Variants in ATP8A2 observed in about 807,000 individuals in gnomAD.
ATP8A2 encodes the protein phospholipid-transporting ATPase IB.
A neutral mutation model predicts 165.6 loss-of-function variants in ATP8A2; 100 were observed. The observed-to-expected ratio is 0.60, with a 90% CI of 0.51 to 0.71. The LOEUF (loss-of-function observed/expected upper bound fraction) is 0.71, where lower values mean the gene tolerates loss of function less well. Ranked by LOEUF, ATP8A2 falls within the 30% of genes least tolerant of loss-of-function variation. The pLI is 0.00. For missense variants in ATP8A2, 1,227 were observed against 1,479.5 expected, an observed-to-expected ratio of 0.83 and a Z score of 2.80; for synonymous variants, 543 against 548.8, an observed-to-expected ratio of 0.99 and a Z score of 0.15.
intron 2 of ATP8A2, among the ~76,000 whole-genome samples, chr13:25,488,085 T>TGGCCG (rs780665321): frequency 1.3e-5 from 2 of 152,234 alleles, no homozygotes; most frequent in Non-Finnish European, 2.9e-5. Context: ...CACAGTACAG[T>TGGCCG]GGCCGTGGAT....
Position 25,755,258 on chromosome 13 carries a change from C to A in ATP8A2, c.2385-13788C>A, listed in dbSNP as rs145521608. Among the ~76,000 whole-genome samples the A allele has an allele frequency of 3.3e-3, 510 of 152,282 alleles. 2 individuals carry two copies. The highest frequency in any genetic ancestry group is 0.012 in the African/African-American group (489 of 41,552). ...ACAATTCCATCTCCAGAGGCAGGCCCTCTCCACTGTAGCTCCCAGCTTCAC... is the reference window on the plus strand; with the variant it reads ...ACAATTCCATCTCCAGAGGCAGGCCATCTCCACTGTAGCTCCCAGCTTCAC... On this transcript the variant is annotated intron_variant, in intron 25 of 36. Coordinates refer to ENST00000381655, the MANE Select transcript of ATP8A2 (RefSeq NM_016529.6).
chr13:25,855,857 G>C (rs1414175776), intron 30 of ATP8A2, among the ~76,000 whole-genome samples: 1 of 152,080 alleles, frequency 6.6e-6, no homozygotes, highest in Non-Finnish European at 1.5e-5. Context: ...GGTGTTAAGT[G>C]GTATCTCATT....
At chr13:25,581,327 A>G (rs1393714589) in intron 22 of ATP8A2, among the ~76,000 whole-genome samples, 1 of 152,216 alleles carries the variant, frequency 6.6e-6, no homozygotes, top group African/African-American at 2.4e-5. Context: ...CAAAAGGGGC[A>G]ACATTTTATA....
At chr13:25,956,296 AG>A (rs1238347641) in intron 33 of ATP8A2, among the ~76,000 whole-genome samples, 4 of 152,232 alleles carry the variant, frequency 2.6e-5, no homozygotes, top group African/African-American at 9.6e-5. Flanking sequence ...AAAGAAATAA[AG>A]GGTATTCAAA....
At chr13:25,490,355 C>CGGA (rs1436740337) in intron 2 of ATP8A2, among the ~76,000 whole-genome samples, 1 of 152,224 alleles carries the variant, frequency 6.6e-6, no homozygotes, top group Non-Finnish European at 1.5e-5. Context: ...GCTCTCCTCG[C>CGGA]GGAGCACAGC....
intron 1 of ATP8A2, among the ~76,000 whole-genome samples, chr13:25,451,249 C>T (rs1362549369): frequency 6.6e-6 from 1 of 150,842 alleles, no homozygotes; most frequent in Non-Finnish European, 1.5e-5. Context: ...GTGTCGTTTT[C>T]ATTTCAGGTG....
At chr13:25,579,563 A>T (rs928574658) in intron 21 of ATP8A2, among the ~76,000 whole-genome samples, 1 of 152,164 alleles carries the variant, frequency 6.6e-6, no homozygotes, top group Non-Finnish European at 1.5e-5. Context: ...CCTCTCTGCC[A>T]TGGAGAATTC....
chr13:25,399,028 A>G (rs1451799748), intron 1 of ATP8A2, among the ~76,000 whole-genome samples: 1 of 152,198 alleles, frequency 6.6e-6, no homozygotes, highest in Non-Finnish European at 1.5e-5. Flanking sequence ...GCAGTTTACA[A>G]CAGTGATCAC....
intron 24 of ATP8A2, among the ~76,000 whole-genome samples, chr13:25,691,652 T>C (rs2042728038): frequency 6.6e-6 from 1 of 152,200 alleles, no homozygotes; most frequent in Non-Finnish European, 1.5e-5. Context: ...CTGTCTTCCT[T>C]TGAATTATTA....
chr13:25,889,245 C>CATACATATATATATATAT (rs1555285524), intron 33 of ATP8A2, among the ~76,000 whole-genome samples: 5 of 109,972 alleles, frequency 4.5e-5, no homozygotes, highest in African/African-American at 2.1e-4. Flanking sequence ...CATCCTTTGT[C>CATACATATATATATATAT]ATATATATAT....
At chr13:25,797,049 C>T (rs529964155) in intron 27 of ATP8A2, among the ~76,000 whole-genome samples, 57 of 152,228 alleles carry the variant, frequency 3.7e-4, no homozygotes, top group African/African-American at 1.3e-3. Flanking sequence ...GGGCAGATCA[C>T]CTGAGGTCAG....
At chr13:25,587,011 T>C (rs1040375622) in intron 23 of ATP8A2, among the ~76,000 whole-genome samples, 2 of 152,216 alleles carry the variant, frequency 1.3e-5, no homozygotes, top group African/African-American at 2.4e-5. Flanking sequence ...ATTTCAACTA[T>C]AGTAAAAAAT....
intron 33 of ATP8A2, among the ~76,000 whole-genome samples, chr13:25,900,779 C>G (rs1953717069): frequency 6.6e-6 from 1 of 152,102 alleles, no homozygotes; most frequent in Non-Finnish European, 1.5e-5. Flanking sequence ...AAGGCACCTG[C>G]TAGAGTTTTA....
At chr13:25,552,876 C>T (rs932329725) in intron 11 of ATP8A2, among the ~76,000 whole-genome samples, 2 of 152,008 alleles carry the variant, frequency 1.3e-5, no homozygotes, top group Admixed American at 6.6e-5. Flanking sequence ...CCTTGTCTTT[C>T]CATCACAGCC....
intron 2 of ATP8A2, among the ~76,000 whole-genome samples, chr13:25,521,277 A>C (rs1203213937): frequency 6.6e-6 from 1 of 152,076 alleles, no homozygotes; most frequent in Non-Finnish European, 1.5e-5. Context: ...TATTCTCCTT[A>C]CATATCCCTT....
chr13:25,537,960 C>T (rs764942081), intron 6 of ATP8A2, 28 bp from the exon 7 acceptor site: 5 of 1,517,094 alleles, frequency 3.3e-6, no homozygotes, highest in Admixed American at 1.8e-5. Context: ...TCTTTCGTGC[C>T]CCTCTGTCCT....
At chr13:26,002,461 T>A (rs1423588508) in intron 35 of ATP8A2, among the ~76,000 whole-genome samples, 1 of 151,400 alleles carries the variant, frequency 6.6e-6, no homozygotes. Flanking sequence ...AAATACCTAA[T>A]GTAAATGACA....
chr13:25,897,214 T>C (rs1480303773), intron 33 of ATP8A2, among the ~76,000 whole-genome samples: 1 of 152,230 alleles, frequency 6.6e-6, no homozygotes, highest in Non-Finnish European at 1.5e-5. Context: ...CAGGAGCTCT[T>C]TTAGGGCAGG....
intron 2 of ATP8A2, among the ~76,000 whole-genome samples, chr13:25,497,104 G>A (rs922209843): frequency 2.6e-5 from 4 of 152,084 alleles, no homozygotes; most frequent in Non-Finnish European, 5.9e-5. Flanking sequence ...CAGGTGGTGG[G>A]GTGTCCACAA....
Sources: allele counts gnomAD v4.1 joint callset (sites outside exome capture counted in the v4.1 genomes callset), GRCh38; gene constraint gnomAD v4.1.1; transcripts MANE v1.5; gene names NCBI Gene and HGNC (gene_info 2026-07-23, HGNC 2026-07-21).